Variants in IL1RAPL1 observed in about 807,000 individuals in gnomAD.
The protein encoded by IL1RAPL1 is interleukin 1 receptor accessory protein like 1.
In IL1RAPL1, 3 loss-of-function variants were observed where a neutral mutation model predicts 48.4. The observed-to-expected ratio is 0.06, with a 90% CI of 0.03 to 0.16. The LOEUF (loss-of-function observed/expected upper bound fraction) is 0.16, where lower values mean the gene tolerates loss of function less well. Ranked by LOEUF, IL1RAPL1 falls within the 10% of genes least tolerant of loss-of-function variation. The probability of loss-of-function intolerance (pLI) is 1.00; values close to 1 mark genes in which losing one functional copy is unlikely to be tolerated. For synonymous variants in IL1RAPL1, 185 were observed against 187.7 expected, an observed-to-expected ratio of 0.99 and a Z score of 0.12; for missense variants, 349 against 530.6, an observed-to-expected ratio of 0.66 and a Z score of 3.36.
At chrX:29,813,369 T>C (rs1930420161) in intron 6 of IL1RAPL1, among the ~76,000 whole-genome samples, 1 of 111,197 alleles carries the variant, frequency 9.0e-6, no homozygotes, top group Admixed American at 9.6e-5. Flanking sequence ...TCTTTTACAA[T>C]GATGTCATCT....
chrX:29,635,510 C>A (rs998709327), intron 5 of IL1RAPL1, among the ~76,000 whole-genome samples: 1 of 111,599 alleles, frequency 9.0e-6, no homozygotes, highest in African/African-American at 3.3e-5. Flanking sequence ...TTCAGGCCAA[C>A]AAGTTCTCAA....
intron 6 of IL1RAPL1, among the ~76,000 whole-genome samples, chrX:29,807,894 A>G (rs1396557717): frequency 9.0e-6 from 1 of 111,559 alleles, no homozygotes; most frequent in South Asian, 3.7e-4. Flanking sequence ...AAAGAAACAT[A>G]TGAAAACATA....
rs541960030 is a variant in IL1RAPL1, at chrX:28,844,660, T to C, written c.82+55235T>C. ...GATGTAATAAGTCCTCTGGAAGATA[T>C]GACATTAATGGACTTCGCTGAAGTT... On this transcript the variant is annotated intron_variant, in intron 2 of 10. Coordinates refer to ENST00000378993, the MANE Select transcript of IL1RAPL1 (RefSeq NM_014271.4). Among the ~76,000 whole-genome samples the C allele has an allele frequency of 3.5e-4, 39 of 111,109 alleles. 1 individual carries two copies. In the South Asian group the frequency reaches 0.015, roughly 41 times the overall value.
intron 5 of IL1RAPL1, among the ~76,000 whole-genome samples, chrX:29,424,657 C>T (rs771549476): frequency 9.9e-5 from 11 of 111,582 alleles, no homozygotes; most frequent in Admixed American, 7.6e-4. Context: ...CAGGGTGGTT[C>T]TGTGCAGTAA....
intron 1 of IL1RAPL1, among the ~76,000 whole-genome samples, chrX:28,633,249 T>G (rs1212385024): frequency 9.0e-6 from 1 of 111,269 alleles, no homozygotes; most frequent in African/African-American, 3.3e-5. Context: ...GGTATTATTA[T>G]GAAAATAGTA....
intron 2 of IL1RAPL1, among the ~76,000 whole-genome samples, chrX:29,203,907 A>G (rs912740572): frequency 2.8e-5 from 3 of 108,857 alleles, no homozygotes; most frequent in African/African-American, 6.7e-5. Context: ...CTCTACCTCC[A>G]TGAGATCCAA....
At chrX:29,374,932 A>G (rs1363966062) in intron 3 of IL1RAPL1, among the ~76,000 whole-genome samples, 2 of 109,898 alleles carry the variant, frequency 1.8e-5, no homozygotes, top group Non-Finnish European at 3.8e-5. Context: ...ACTCTCCTAC[A>G]TTTCAAAGTC....
chrX:28,978,933 A>G (rs1250384665), intron 2 of IL1RAPL1, among the ~76,000 whole-genome samples: 3 of 112,186 alleles, frequency 2.7e-5, no homozygotes, highest in Non-Finnish European at 5.6e-5. Flanking sequence ...GGGCCTGGTA[A>G]TATCAAAGTG....
chrX:28,612,102 A>C (rs1934154518), intron 1 of IL1RAPL1, among the ~76,000 whole-genome samples: 1 of 111,863 alleles, frequency 8.9e-6, no homozygotes, highest in Middle Eastern at 4.2e-3. Context: ...TCTAAGAAGC[A>C]GGCTTTCTAA....
At chrX:29,327,852 C>T (rs934755634) in intron 3 of IL1RAPL1, among the ~76,000 whole-genome samples, 2 of 110,339 alleles carry the variant, frequency 1.8e-5, no homozygotes, top group Non-Finnish European at 3.8e-5. Flanking sequence ...AACTATTCGA[C>T]TCCACCATTG....
chrX:29,111,347 A>T (rs746907490), intron 2 of IL1RAPL1, among the ~76,000 whole-genome samples: 1 of 112,519 alleles, frequency 8.9e-6, no homozygotes, highest in South Asian at 3.7e-4. Context: ...TATAAATGTG[A>T]TAATGCATAT....
At chrX:28,780,098 A>G (rs1936404600) in intron 1 of IL1RAPL1, among the ~76,000 whole-genome samples, 1 of 111,159 alleles carries the variant, frequency 9.0e-6, no homozygotes, top group African/African-American at 3.3e-5. Context: ...AGCTTTCTAG[A>G]TGTTCACTGT....
At chrX:29,843,481 T>G (rs1931179257) in intron 6 of IL1RAPL1, among the ~76,000 whole-genome samples, 1 of 112,041 alleles carries the variant, frequency 8.9e-6, no homozygotes. Context: ...ATTATTAGCT[T>G]CCTGTGACTG....
chrX:29,854,518 T>C (rs972781064), intron 6 of IL1RAPL1, among the ~76,000 whole-genome samples: 1 of 111,656 alleles, frequency 9.0e-6, no homozygotes, highest in Non-Finnish European at 1.9e-5. Flanking sequence ...GTCGTCAGAA[T>C]TGACAAGCCA....
At chrX:29,627,422 C>A (rs992949278) in intron 5 of IL1RAPL1, among the ~76,000 whole-genome samples, 3 of 112,527 alleles carry the variant, frequency 2.7e-5, no homozygotes, top group South Asian at 7.3e-4. Context: ...GTCAGAAGAG[C>A]ATTTTTGTTT....
intron 10 of IL1RAPL1, 72 bp downstream of exon 10, chrX:29,954,764 A>G: frequency 1.1e-6 from 1 of 901,913 alleles, no homozygotes; most frequent in African/African-American, 1.9e-5. Flanking sequence ...TTTTTCATGG[A>G]ATTTTAATGT....
intron 6 of IL1RAPL1, among the ~76,000 whole-genome samples, chrX:29,764,893 A>G (rs1182186518): frequency 8.9e-6 from 1 of 111,878 alleles, no homozygotes; most frequent in East Asian, 2.8e-4. Context: ...TGCCTGTGAA[A>G]AGAACTCACC....
chrX:29,222,310 A>G (rs1351528880), intron 2 of IL1RAPL1, among the ~76,000 whole-genome samples: 1 of 111,871 alleles, frequency 8.9e-6, no homozygotes, highest in African/African-American at 3.3e-5. Context: ...TAACTTCTAT[A>G]AATATTGGCA....
intron 2 of IL1RAPL1, among the ~76,000 whole-genome samples, chrX:29,199,056 G>A (rs1188767541): frequency 3.6e-5 from 4 of 111,658 alleles, no homozygotes; most frequent in Non-Finnish European, 7.5e-5. Flanking sequence ...GTAATGCATG[G>A]AGAAAATGGA....
Sources: gnomAD v4.1 joint callset for allele counts (sites outside exome capture counted in the v4.1 genomes callset) on GRCh38, gnomAD v4.1.1 for gene constraint, MANE v1.5 for transcripts, NCBI Gene and HGNC (gene_info 2026-07-23, HGNC 2026-07-21) for gene names.